The following NOL4 variants were observed in gnomAD, a reference collection of about 807,000 sequenced individuals.
NOL4 encodes nucleolar protein 4.
Under a neutral mutation model 75.9 loss-of-function variants are expected in NOL4, and 17 were observed. The ratio of observed to expected loss-of-function variants is 0.22; its 90% confidence interval spans 0.15 to 0.34. NOL4 has a LOEUF of 0.34. Among genes scored for constraint, NOL4 ranks in the 10% least tolerant of loss-of-function variants. The pLI is 1.00. For missense variants in NOL4, 614 were observed against 793.5 expected (o/e 0.77, Z 2.72); for synonymous variants, 292 against 289.9 (o/e 1.01, Z -0.07).
At chr18:34,132,736 C>CA (rs35140600) in intron 1 of NOL4, among the ~76,000 whole-genome samples, 31,303 of 106,446 alleles carry the variant, frequency 0.29, 4,014 homozygotes, top group East Asian at 0.49. Flanking sequence ...TTCAAAAACG[C>CA]AAAAAAAAAA....
chr18:34,066,308 A>T (rs963911101), intron 5 of NOL4, among the ~76,000 whole-genome samples: 2 of 152,018 alleles, frequency 1.3e-5, no homozygotes, highest in Non-Finnish European at 2.9e-5. Flanking sequence ...CTCTCAAGAG[A>T]TGCTATCATT....
chr18:33,865,577 T>A (rs1006864420), intron 10 of NOL4, among the ~76,000 whole-genome samples: 3 of 152,128 alleles, frequency 2.0e-5, no homozygotes, highest in African/African-American at 7.2e-5. Flanking sequence ...AAAACTACAT[T>A]TTATTTATGC....
At chr18:33,878,188 T>C (rs980387623) in intron 10 of NOL4, among the ~76,000 whole-genome samples, 1 of 152,130 alleles carries the variant, frequency 6.6e-6, no homozygotes, top group Non-Finnish European at 1.5e-5. Context: ...TCATTAACAA[T>C]GCATAACAAA....
intron 6 of NOL4, among the ~76,000 whole-genome samples, chr18:33,969,071 T>A (rs992093010): frequency 6.6e-6 from 1 of 152,198 alleles, no homozygotes; most frequent in Non-Finnish European, 1.5e-5. Flanking sequence ...GTTCCTTTCA[T>A]GTCTGAACCA....
intron 6 of NOL4, among the ~76,000 whole-genome samples, chr18:33,977,520 C>T (rs931841923): frequency 6.6e-6 from 1 of 152,126 alleles, no homozygotes; most frequent in African/African-American, 2.4e-5. Context: ...GAGGCCTTCC[C>T]AGCCATGTGG....
intron 9 of NOL4, among the ~76,000 whole-genome samples, chr18:33,911,316 C>A (rs1014992643): frequency 1.3e-5 from 2 of 152,062 alleles, no homozygotes; most frequent in Admixed American, 1.3e-4. Flanking sequence ...TTCTCTCTCT[C>A]TTTTTGTTTG....
chr18:33,910,741 C>A (rs1427050794), intron 9 of NOL4, among the ~76,000 whole-genome samples: 3 of 152,088 alleles, frequency 2.0e-5, no homozygotes, highest in Admixed American at 6.6e-5. Flanking sequence ...TTTGTTCCTT[C>A]AGTATTAAAA....
intron 6 of NOL4, among the ~76,000 whole-genome samples, chr18:33,960,615 T>A (rs963663505): frequency 2.6e-5 from 4 of 152,102 alleles, no homozygotes; most frequent in Non-Finnish European, 5.9e-5. Flanking sequence ...CAACAAAGTA[T>A]TTATGGGCAG....
intron 5 of NOL4, among the ~76,000 whole-genome samples, chr18:34,061,181 T>C (rs1261374343): frequency 2.0e-5 from 3 of 152,138 alleles, no homozygotes; most frequent in Non-Finnish European, 4.4e-5. Context: ...AGAGAGAACA[T>C]AGTTAAAATC....
chr18:33,899,619 G>T lies in NOL4; in HGVS notation c.1543-16195C>A, dbSNP rs763546810. Among the ~76,000 whole-genome samples the T allele has an allele frequency of 1.3e-5, 2 of 152,124 alleles. 1 individual carries two copies. Among genetic ancestry groups the T allele is most frequent in the Non-Finnish European group, 2.9e-5 (2 of 68,034 alleles). ...AGTACTGGCTGTCTCTATGCATACT[G>T]CTGAAACAAGGTATTGAAAAATCTC... On this transcript the variant is annotated intron_variant, in intron 9 of 10. Transcript: ENST00000261592.
At chr18:34,167,131 A>G (rs2032473824) in intron 1 of NOL4, among the ~76,000 whole-genome samples, 1 of 151,494 alleles carries the variant, frequency 6.6e-6, no homozygotes, top group African/African-American at 2.4e-5. Flanking sequence ...TCTTTATATC[A>G]TATTAGGTAT....
chr18:34,020,454 G>C (rs1225148079), intron 5 of NOL4, among the ~76,000 whole-genome samples: 1 of 152,108 alleles, frequency 6.6e-6, no homozygotes, highest in Non-Finnish European at 1.5e-5. Context: ...TGCATCTAAA[G>C]CATTAAAAGT....
chr18:33,955,188 A>T (rs767089165), intron 8 of NOL4, among the ~76,000 whole-genome samples: 26 of 152,090 alleles, frequency 1.7e-4, no homozygotes, highest in Non-Finnish European at 2.2e-4. Flanking sequence ...ATGAAAGGCT[A>T]GGTATATTTT....
chr18:33,944,413 A>G (rs532047222), intron 8 of NOL4, among the ~76,000 whole-genome samples: 1 of 152,034 alleles, frequency 6.6e-6, no homozygotes, highest in Admixed American at 6.6e-5. Context: ...CCATAGTTAA[A>G]TTTGTACAGT....
intron 2 of NOL4, among the ~76,000 whole-genome samples, chr18:34,105,595 C>A (rs936802462): frequency 6.6e-6 from 1 of 151,832 alleles, no homozygotes; most frequent in Non-Finnish European, 1.5e-5. Context: ...GGATTTTGCA[C>A]AATGAACATT....
At position 34,223,896 on chromosome 18, in the gene NOL4, A is replaced by G. The variant is rs1197566698; in HGVS notation, c.-643T>C. The G allele has an allele frequency of 6.6e-6, 1 of 152,276 alleles. No individual in the cohort carries two copies. The highest frequency in any genetic ancestry group is 1.5e-5 in the Non-Finnish European group (1 of 68,088). The allele number at this position is 152,276 out of a possible 1,614,324, so 9.4% of individuals were successfully genotyped here. ...ACGGGTGTTAAGGGACTAGAAAGAG[A>G]AAGTTCTTACCTGTCATGTTTTTAA... On this transcript the variant is annotated 5_prime_UTR_variant, in exon 1 of 11. Coordinates refer to ENST00000261592, the MANE Select transcript of NOL4 (RefSeq NM_003787.5).
intron 9 of NOL4, among the ~76,000 whole-genome samples, chr18:33,916,399 C>A (rs578133556): frequency 1.7e-4 from 26 of 152,170 alleles, no homozygotes; most frequent in Non-Finnish European, 3.4e-4. Flanking sequence ...CCATTAGGGA[C>A]CGGCGGCTCA....
intron 5 of NOL4, among the ~76,000 whole-genome samples, chr18:34,058,170 G>C (rs1373994101): frequency 6.6e-6 from 1 of 151,984 alleles, no homozygotes; most frequent in Non-Finnish European, 1.5e-5. Context: ...ATCTCACTCT[G>C]TCACCCAGGC....
intron 5 of NOL4, among the ~76,000 whole-genome samples, chr18:34,040,448 T>C (rs1600358816): frequency 6.6e-6 from 1 of 152,032 alleles, no homozygotes; most frequent in Admixed American, 6.6e-5. Flanking sequence ...TTGAAGCTAT[T>C]TTCCTGAGGA....
Sources: gnomAD v4.1 joint callset for allele counts (sites outside exome capture counted in the v4.1 genomes callset) on GRCh38, gnomAD v4.1.1 for gene constraint, MANE v1.5 for transcripts, NCBI Gene and HGNC (gene_info 2026-07-23, HGNC 2026-07-21) for gene names.